Variants in SPAG16 observed in about 807,000 individuals in gnomAD.
SPAG16 encodes sperm associated antigen 16, also known as sperm-associated antigen 16 protein.
Under a neutral mutation model 80.4 loss-of-function variants are expected in SPAG16, and 86 were observed. The observed-to-expected ratio is 1.07, with a 90% CI of 0.90 to 1.28. The LOEUF is 1.28. SPAG16 is among the 50% of genes most tolerant of loss of function. SPAG16 has a pLI of 0.00. For synonymous variants in SPAG16, 294 were observed against 265.9 expected, an observed-to-expected ratio of 1.11 and a Z score of -1.03; for missense variants, 870 against 765.3, an observed-to-expected ratio of 1.14 and a Z score of -1.61.
Position 214,350,195 on chromosome 2 carries a change from C to G in SPAG16, c.1721-59945C>G, listed in dbSNP as rs141044162. Among the ~76,000 whole-genome samples the G allele has an allele frequency of 2.2e-3, 341 of 152,252 alleles. 1 individual carries two copies. Among genetic ancestry groups the G allele is most frequent in the Non-Finnish European group, 3.8e-3 (261 of 68,012 alleles). On this transcript the variant is annotated intron_variant, in intron 15 of 15. Transcript: ENST00000331683. ...TGTTTTGGTTTTACTGGTTTCTTAC[C>G]TCTGAAACTTATATCTTCCAGCAAA...
Position 214,156,809 on chromosome 2 carries a change from C to G in SPAG16, c.1720+7543C>G, listed in dbSNP as rs990896976. Among the ~76,000 whole-genome samples, 19 of 152,006 alleles carry G rather than the reference C, an allele frequency of 1.2e-4. No individual in the cohort carries two copies. In the South Asian group the frequency reaches 1.5e-3, roughly 12 times the overall value. On this transcript the variant is annotated intron_variant, in intron 15 of 15. Coordinates refer to ENST00000331683, the MANE Select transcript of SPAG16 (RefSeq NM_024532.5). ...ACCTTGTCTCTAAAAAACAAACAAA[C>G]AGACAAAAAATAATTTAAAAAGAAG...
intron 10 of SPAG16, among the ~76,000 whole-genome samples, chr2:213,506,945 T>C (rs552869016): frequency 6.6e-6 from 1 of 152,326 alleles, no homozygotes; most frequent in Admixed American, 6.5e-5. Context: ...TTCACAATGC[T>C]CTCTAGGAAA....
At chr2:213,685,530 A>G (rs149974885) in intron 10 of SPAG16, among the ~76,000 whole-genome samples, 3 of 152,348 alleles carry the variant, frequency 2.0e-5, no homozygotes, top group Non-Finnish European at 4.4e-5. Context: ...TTCTGTTGTT[A>G]TCAGTCACTC....
chr2:214,107,240 G>C (rs555521205), intron 13 of SPAG16, among the ~76,000 whole-genome samples: 41 of 152,152 alleles, frequency 2.7e-4, no homozygotes, highest in Admixed American at 1.6e-3. Flanking sequence ...TCCTCCACTA[G>C]AATATAAGGT....
intron 10 of SPAG16, among the ~76,000 whole-genome samples, chr2:213,658,610 T>C (rs2063307031): frequency 6.6e-6 from 1 of 152,178 alleles, no homozygotes; most frequent in Non-Finnish European, 1.5e-5. Context: ...TAGTGAAAGG[T>C]GAAGTCGTGC....
intron 15 of SPAG16, among the ~76,000 whole-genome samples, chr2:214,260,967 C>T (rs1387000411): frequency 1.3e-5 from 2 of 151,564 alleles, no homozygotes; most frequent in South Asian, 2.1e-4. Context: ...ATTAGCCGGG[C>T]GTGGTGGTGG....
intron 10 of SPAG16, among the ~76,000 whole-genome samples, chr2:213,614,710 T>C (rs534964160): frequency 1.1e-4 from 16 of 152,374 alleles, no homozygotes; most frequent in African/African-American, 3.6e-4. Flanking sequence ...TCTTTCAGTT[T>C]ATCTGTGAAA....
intron 9 of SPAG16, among the ~76,000 whole-genome samples, chr2:213,383,881 A>G (rs1349544567): frequency 6.6e-6 from 1 of 152,194 alleles, no homozygotes; most frequent in Non-Finnish European, 1.5e-5. Flanking sequence ...TAACCTTGGC[A>G]AGAACATAAA....
chr2:213,633,597 A>G (rs2062239047), intron 10 of SPAG16, among the ~76,000 whole-genome samples: 1 of 152,100 alleles, frequency 6.6e-6, no homozygotes, highest in East Asian at 1.9e-4. Flanking sequence ...TGCCAGTAAG[A>G]TCTGTCCAAT....
rs559929188 is a variant in SPAG16 at position 213,840,915 on chromosome 2, T to G, written c.1071-21570T>G. 9.9e-5 allele frequency among the ~76,000 whole-genome samples: 15 copies of G among 152,264 alleles called. No homozygotes were observed. The East Asian group carries it at 1.9e-3, about 20-fold the overall frequency. The stretch of plus-strand genomic sequence containing the variant: ...AGACCATAAGCTAAAATAATAAGCA[T>G]TATAAATGAATAAAGCCATGCTGAG... On this transcript the variant is annotated intron_variant, in intron 10 of 15. Transcript: ENST00000331683.
intron 12 of SPAG16, among the ~76,000 whole-genome samples, chr2:213,968,407 G>A (rs1195917104): frequency 6.6e-5 from 10 of 152,156 alleles, no homozygotes; most frequent in Non-Finnish European, 1.5e-4. Context: ...TGGCCAGCCT[G>A]GTCTTGAACT....
At chr2:214,218,072 T>C (rs941709338) in intron 15 of SPAG16, among the ~76,000 whole-genome samples, 4 of 152,208 alleles carry the variant, frequency 2.6e-5, no homozygotes, top group Admixed American at 1.3e-4. Context: ...TATGGAAATC[T>C]ACATTTTCCA....
At chr2:213,361,919 A>G (rs576277521) in intron 7 of SPAG16, among the ~76,000 whole-genome samples, 12 of 152,186 alleles carry the variant, frequency 7.9e-5, no homozygotes, top group African/African-American at 1.9e-4. Flanking sequence ...ATGGCTTGAG[A>G]GAGCAAGTAA....
At chr2:213,435,998 T>A (rs2070616333) in intron 9 of SPAG16, among the ~76,000 whole-genome samples, 1 of 152,158 alleles carries the variant, frequency 6.6e-6, no homozygotes, top group Admixed American at 6.5e-5. Context: ...TCATATTACT[T>A]AGATGTCTTT....
intron 14 of SPAG16, among the ~76,000 whole-genome samples, chr2:214,136,490 C>T (rs1014082502): frequency 7.9e-5 from 12 of 152,138 alleles, no homozygotes; most frequent in Non-Finnish European, 1.3e-4. Flanking sequence ...GTGTTGTGTA[C>T]TTTAGCTGCT....
intron 15 of SPAG16, among the ~76,000 whole-genome samples, chr2:214,271,909 A>G (rs1692055671): frequency 1.3e-5 from 2 of 149,330 alleles, no homozygotes; most frequent in South Asian, 4.4e-4. Flanking sequence ...TAGGAATGTC[A>G]TTTGAGCTTA....
intron 10 of SPAG16, among the ~76,000 whole-genome samples, chr2:213,742,045 G>A (rs575362893): frequency 3.3e-5 from 5 of 151,324 alleles, no homozygotes; most frequent in Admixed American, 1.3e-4. Context: ...TTTTTAATTG[G>A]AGCATTAAAT....
chr2:213,361,804 C>CAT (rs1395349730), intron 7 of SPAG16, among the ~76,000 whole-genome samples: 3 of 151,140 alleles, frequency 2.0e-5, no homozygotes, highest in African/African-American at 4.9e-5. Context: ...CACACACACA[C>CAT]ACACACACAC....
intron 13 of SPAG16, among the ~76,000 whole-genome samples, chr2:214,069,949 T>C (rs1035171441): frequency 2.0e-5 from 3 of 152,080 alleles, no homozygotes; most frequent in African/African-American, 7.2e-5. Flanking sequence ...AAACTGGAGA[T>C]TGTAACTTTG....
Sources: gnomAD v4.1 joint callset for allele counts (sites outside exome capture counted in the v4.1 genomes callset) on GRCh38, gnomAD v4.1.1 for gene constraint, MANE v1.5 for transcripts, NCBI Gene and HGNC (gene_info 2026-07-23, HGNC 2026-07-21) for gene names.